NLGN1: variants seen among roughly 807,000 people sequenced by gnomAD.
NLGN1 encodes neuroligin 1.
A neutral mutation model predicts 65.5 loss-of-function variants in NLGN1; 12 were observed. The observed-to-expected ratio is 0.18, with a 90% CI of 0.12 to 0.30. The LOEUF is 0.30. NLGN1 is among the 10% of genes least tolerant of loss of function. The pLI is 1.00. For synonymous variants in NLGN1, 350 were observed against 359.5 expected (o/e 0.97, Z 0.30); for missense variants, 750 against 1,007.1 (o/e 0.74, Z 3.46).
intron 3 of NLGN1, among the ~76,000 whole-genome samples, chr3:173,690,319 C>T (rs1765287951): frequency 6.6e-6 from 1 of 152,114 alleles, no homozygotes; most frequent in Non-Finnish European, 1.5e-5. Context: ...TTTTGTTTCT[C>T]ATTCCTAGGA....
intron 4 of NLGN1, among the ~76,000 whole-genome samples, chr3:174,166,083 CT>C (rs964446934): frequency 9.9e-5 from 15 of 151,626 alleles, no homozygotes; most frequent in South Asian, 2.1e-4. Flanking sequence ...GGATCTTCTC[CT>C]TTTTTTTCTG....
intron 1 of NLGN1, among the ~76,000 whole-genome samples, chr3:173,408,677 C>A (rs1485210783): frequency 6.6e-6 from 1 of 152,180 alleles, no homozygotes; most frequent in Admixed American, 6.5e-5. Context: ...CTTTGGGAGG[C>A]CGAGGCGGGC....
intron 1 of NLGN1, among the ~76,000 whole-genome samples, chr3:173,406,528 GAT>G (rs1000770749): frequency 4.2e-4 from 61 of 145,946 alleles, no homozygotes; most frequent in African/African-American, 1.4e-3. Flanking sequence ...TATATGAATA[GAT>G]ATATATATCA....
At chr3:173,479,735 C>G (rs1726921337) in intron 2 of NLGN1, among the ~76,000 whole-genome samples, 1 of 151,444 alleles carries the variant, frequency 6.6e-6, no homozygotes, top group East Asian at 1.9e-4. Flanking sequence ...GATGGGAAAA[C>G]AAGAAAAAAC....
In NLGN1 at chr3:173,431,448, C is replaced by T. The variant is rs1481930850; in HGVS notation, c.-389-3562C>T. On this transcript the variant is annotated intron_variant, in intron 1 of 6. Transcript: ENST00000457714. The stretch of plus-strand genomic sequence containing the variant: ...CAAAATCTTTCTTGTACATATATAA[C>T]TTTTTATTTGTATGAAATATTGACA... 2.0e-5 allele frequency among the ~76,000 whole-genome samples: 3 copies of T among 151,950 alleles called. No individual in the cohort carries two copies. The East Asian group carries it at 5.8e-4, about 29-fold the overall frequency.
chr3:174,213,846 G>A (rs550297360), intron 4 of NLGN1, among the ~76,000 whole-genome samples: 1 of 152,114 alleles, frequency 6.6e-6, no homozygotes, highest in South Asian at 2.1e-4. Context: ...ACATTTTTAG[G>A]TGATGATTTA....
intron 3 of NLGN1, among the ~76,000 whole-genome samples, chr3:173,613,909 A>T (rs1262826630): frequency 2.0e-5 from 3 of 152,024 alleles, no homozygotes; most frequent in Non-Finnish European, 4.4e-5. Context: ...CTGATTAATG[A>T]ACAGTGGTCC....
chr3:173,573,939 TG>T (rs1163283347), intron 2 of NLGN1, among the ~76,000 whole-genome samples: 3 of 150,896 alleles, frequency 2.0e-5, no homozygotes, highest in Admixed American at 1.3e-4. Flanking sequence ...AGCGGGCGCC[TG>T]TAGTCCCAGC....
chr3:173,866,859 T>C (rs1203435452), intron 4 of NLGN1, among the ~76,000 whole-genome samples: 2 of 152,120 alleles, frequency 1.3e-5, no homozygotes, highest in African/African-American at 2.4e-5. Context: ...TTAGAAGCGA[T>C]AGGGTTGAAA....
chr3:173,755,967 A>T (rs1777051992), intron 3 of NLGN1, among the ~76,000 whole-genome samples: 1 of 152,138 alleles, frequency 6.6e-6, no homozygotes, highest in Non-Finnish European at 1.5e-5. Flanking sequence ...TTGGTAAAAT[A>T]GGTTATATTA....
intron 4 of NLGN1, among the ~76,000 whole-genome samples, chr3:173,984,323 G>A (rs1719427327): frequency 6.6e-6 from 1 of 152,092 alleles, no homozygotes; most frequent in East Asian, 1.9e-4. Flanking sequence ...ACTTCTAGGG[G>A]CCTACATATC....
At chr3:174,125,215 G>A (rs1171388445) in intron 4 of NLGN1, among the ~76,000 whole-genome samples, 2 of 151,930 alleles carry the variant, frequency 1.3e-5, no homozygotes, top group African/African-American at 4.8e-5. Flanking sequence ...ACTTTTTGAT[G>A]ACTCTGTGTA....
chr3:173,858,467 G>C (rs890850750), intron 4 of NLGN1, among the ~76,000 whole-genome samples: 2 of 151,874 alleles, frequency 1.3e-5, no homozygotes, highest in African/African-American at 4.8e-5. Flanking sequence ...AGCCTATGTA[G>C]GTTCTGGGTA....
intron 4 of NLGN1, among the ~76,000 whole-genome samples, chr3:173,827,757 C>T (rs923090688): frequency 3.3e-5 from 5 of 151,720 alleles, no homozygotes; most frequent in African/African-American, 1.2e-4. Flanking sequence ...GCTGGAGAAC[C>T]AGACAGAGAA....
At chr3:173,740,772 T>G (rs1427125901) in intron 3 of NLGN1, among the ~76,000 whole-genome samples, 1 of 152,042 alleles carries the variant, frequency 6.6e-6, no homozygotes, top group Admixed American at 6.6e-5. Context: ...TCTTGGATGA[T>G]GAAAGATTTT....
intron 4 of NLGN1, chr3:174,057,496 T>C (rs1293824849): frequency 2.0e-5 from 3 of 152,086 alleles, no homozygotes; most frequent in Non-Finnish European, 4.4e-5. Context: ...ACATGGGGCA[T>C]AGAAATGAGT....
chr3:174,063,850 G>C (rs965237489), intron 4 of NLGN1, among the ~76,000 whole-genome samples: 9 of 152,148 alleles, frequency 5.9e-5, no homozygotes, highest in African/African-American at 2.2e-4. Context: ...AAAAGGGTTA[G>C]AAGTAAAAGG....
chr3:173,791,094 C>T (rs78334390), intron 3 of NLGN1, among the ~76,000 whole-genome samples: 2,262 of 152,206 alleles, frequency 0.015, 32 homozygotes, highest in Non-Finnish European at 0.021. Flanking sequence ...TCGTTAAAAA[C>T]GGTATCTGCA....
intron 3 of NLGN1, among the ~76,000 whole-genome samples, chr3:173,662,360 C>A (rs1329213967): frequency 6.6e-6 from 1 of 151,960 alleles, no homozygotes; most frequent in African/African-American, 2.4e-5. Context: ...GACCAAATCA[C>A]TTTATCTTAG....
Sources: gnomAD v4.1 joint callset for allele counts (sites outside exome capture counted in the v4.1 genomes callset) on GRCh38, gnomAD v4.1.1 for gene constraint, MANE v1.5 for transcripts, NCBI Gene and HGNC (gene_info 2026-07-23, HGNC 2026-07-21) for gene names.